PRMT7: variants seen among roughly 807,000 people sequenced by gnomAD.
PRMT7 encodes the protein protein arginine N-methyltransferase 7.
PRMT7 carries 75 observed loss-of-function variants against 85.4 expected under a neutral mutation model. The observed-to-expected ratio is 0.88, with a 90% CI of 0.73 to 1.06. PRMT7 has a LOEUF of 1.06. PRMT7 is among the 50% of genes least tolerant of loss of function. The pLI is 0.00. For synonymous variants in PRMT7, 397 were observed against 359.5 expected (o/e 1.10, Z -1.18); for missense variants, 868 against 915.2 (o/e 0.95, Z 0.67).
rs558371196 is a variant in PRMT7, at chr16:68,356,582, C to A, written c.1812-119C>A. The A allele has an allele frequency of 1.9e-4, 139 of 734,274 alleles. 1 individual carries two copies. The South Asian group carries it at 2.4e-3, about 13-fold the overall frequency. 45.5% of individuals were successfully genotyped at this position (734,274 alleles called of 1,614,324 possible). A position where few individuals can be genotyped will look rare whatever the true frequency, so the allele number is the denominator to read the frequency against. ...ATGTAACTGCAGCACTAGGAACTCC[C>A]GGCAGGGCAGGAAGGAAGTGGGGAA... On this transcript the variant is annotated intron_variant, in intron 17 of 18. Coordinates refer to ENST00000441236, the MANE Select transcript of PRMT7 (RefSeq NM_019023.5).
intron 6 of PRMT7, among the ~76,000 whole-genome samples, chr16:68,331,535 A>C (rs2083907242): frequency 6.8e-6 from 1 of 147,708 alleles, no homozygotes; most frequent in Non-Finnish European, 1.5e-5. Context: ...GGGTGTGAGC[A>C]TGGCTTATTG....
intron 4 of PRMT7, among the ~76,000 whole-genome samples, chr16:68,323,023 C>T (rs2082681301): frequency 6.6e-6 from 1 of 151,588 alleles, no homozygotes; most frequent in African/African-American, 2.4e-5. Flanking sequence ...GACAGGGAGA[C>T]TCCGTCTCAA....
At chr16:68,356,533 C>A (rs1056070698) in intron 17 of PRMT7, among the ~76,000 whole-genome samples, 168 bp from the exon 18 acceptor site, 1 of 152,222 alleles carries the variant, frequency 6.6e-6, no homozygotes, top group African/African-American at 2.4e-5. Context: ...GCTCTTCTGG[C>A]TGGGGTTTTT....
rs750839151 is a variant in PRMT7 at position 68,316,093 on chromosome 16, G to A, written c.95+19G>A. The A allele has an allele frequency of 1.0e-5, 16 of 1,605,606 alleles. No homozygotes were observed. The highest frequency in any genetic ancestry group is 1.3e-5 in the Non-Finnish European group (15 of 1,173,338). ...TTGCAAGGTACTGGGTTGGTTTACAGCAGGCTGCAGCTGGGTGGGGCACTT... is the reference window on the plus strand; with the variant it reads ...TTGCAAGGTACTGGGTTGGTTTACAACAGGCTGCAGCTGGGTGGGGCACTT... On this transcript the variant is annotated intron_variant, in intron 3 of 18. Transcript: ENST00000441236.
chr16:68,346,404 C>T, intron 11 of PRMT7, 124 bp downstream of exon 11: 4 of 1,365,030 alleles, frequency 2.9e-6, no homozygotes, highest in Non-Finnish European at 4.0e-6. Flanking sequence ...TGAGTGGCTT[C>T]AGCGAGCGCC....
chr16:68,324,407 A>G, intron 4 of PRMT7: 1 of 460,834 alleles, frequency 2.2e-6, no homozygotes, highest in Non-Finnish European at 3.9e-6. Flanking sequence ...GCTGTACCTA[A>G]CAGTTGGAAA....
intron 9 of PRMT7, among the ~76,000 whole-genome samples, chr16:68,344,125 G>A (rs2085957798): frequency 6.6e-6 from 1 of 152,154 alleles, no homozygotes; most frequent in Admixed American, 6.6e-5. Flanking sequence ...TTGCCACTAT[G>A]CATGGCTAAT....
At chr16:68,340,731 A>G (rs1032873013) in intron 9 of PRMT7, among the ~76,000 whole-genome samples, 1 of 152,254 alleles carries the variant, frequency 6.6e-6, no homozygotes, top group Non-Finnish European at 1.5e-5. Flanking sequence ...CGTTTCAGGT[A>G]GAAAGCAATG....
rs117146142 is a variant in PRMT7 at position 68,352,266 on chromosome 16, G to A, written c.1432G>A (p.Glu478Lys). The A allele has an allele frequency of 1.8e-5, 29 of 1,613,534 alleles. No individual in the cohort carries two copies. The highest frequency in any genetic ancestry group is 4.0e-5 in the African/African-American group (3 of 75,026). Reference sequence around the variant, plus strand: ...TCACCAGGTCTCTCTCCTCCTGGGCGAGCCGTTCTTCACTACCAGCCTGCT... The same window carrying A: ...TCACCAGGTCTCTCTCCTCCTGGGCAAGCCGTTCTTCACTACCAGCCTGCT... ...QGRKVSLLLG[E>K]PFFTTSLLPW... The change falls in exon 15 of 19, where the codon GAG becomes AAG. Residue 478 changes from glutamate (E) to lysine (K), a missense_variant. Transcript: ENST00000441236.
chr16:68,323,093 A>G (rs931209854), intron 4 of PRMT7, among the ~76,000 whole-genome samples: 1 of 152,222 alleles, frequency 6.6e-6, no homozygotes, highest in Non-Finnish European at 1.5e-5. Context: ...TATCTAAGAC[A>G]TAAATGCACT....
chr16:68,324,702 G>A lies in PRMT7; in HGVS notation c.152G>A (p.Gly51Asp). The A allele has an allele frequency of 1.2e-6, 2 of 1,614,240 alleles. No individual in the cohort carries two copies. The highest frequency in any genetic ancestry group is 1.3e-5 in the African/African-American group (1 of 75,068). ...CCTTAGAATGTAAAATACTACCAAG[G>A]TATCCGGGCTGCCGTGAGCAGGGTG... ...DKDRNVKYYQGIRAAVSRVKD... is the reference protein window; with the variant it reads ...DKDRNVKYYQDIRAAVSRVKD... Residue 51 changes from glycine (G) to aspartate (D), a missense_variant, in exon 5 of 19, where the codon GGT becomes GAT. Gly to Asp is a moderately conservative substitution (Grantham distance 94). Transcript: ENST00000441236.
At chr16:68,335,991 G>A (rs555045611) in intron 6 of PRMT7, among the ~76,000 whole-genome samples, 1 of 152,222 alleles carries the variant, frequency 6.6e-6, no homozygotes, top group East Asian at 1.9e-4. Context: ...TGGCCAGGTT[G>A]GTTTCAAACT....
At chr16:68,359,013 G>A (rs2089050034), downstream of PRMT7, 1 of 152,702 alleles carries the variant, frequency 6.5e-6, no homozygotes, top group African/African-American at 2.4e-5. Context: ...GCGACCTTGT[G>A]ATGACAGAAA....
intron 8 of PRMT7, 52 bp from the exon 9 acceptor site, chr16:68,339,736 A>C (rs1386244340): frequency 6.3e-7 from 1 of 1,591,192 alleles, no homozygotes; most frequent in Non-Finnish European, 8.6e-7. Context: ...AGCTTAAAAA[A>C]TGGAGTGTGT....
intron 8 of PRMT7, 65 bp downstream of exon 8, chr16:68,339,628 G>T: frequency 2.5e-6 from 4 of 1,603,354 alleles, no homozygotes; most frequent in Non-Finnish European, 3.4e-6. Flanking sequence ...GTATTAGGAG[G>T]TTCTTTTTGA....
intron 14 of PRMT7, chr16:68,351,398 C>T (rs532275179): frequency 6.6e-6 from 1 of 152,344 alleles, no homozygotes; most frequent in Non-Finnish European, 1.5e-5. Flanking sequence ...AGGTCGCCTC[C>T]GTCCCCAGCA....
intron 9 of PRMT7, among the ~76,000 whole-genome samples, chr16:68,344,968 A>ATTTTTTTTT (rs3068649): frequency 1.4e-5 from 2 of 140,618 alleles, no homozygotes; most frequent in Non-Finnish European, 3.0e-5. Context: ...GGGCATGCAC[A>ATTTTTTTTT]TTTTTTTTTT....
chr16:68,357,108 G>A lies in PRMT7; in HGVS notation c.1963G>A (p.Ala655Thr), dbSNP rs1452621113. 1.1e-5 allele frequency: 17 copies of A among 1,613,734 alleles called. No individual in the cohort carries two copies. The highest frequency in any genetic ancestry group is 1.4e-5 in the Non-Finnish European group (17 of 1,179,988). The change falls in exon 19 of 19, where the codon GCC (alanine) becomes ACC (threonine). Residue 655 changes from alanine (A) to threonine (T), a missense_variant. Physicochemically the swap from Ala to Thr is moderately conservative, Grantham distance 58 (BLOSUM62 0). Transcript: ENST00000441236. The part of the protein sequence containing the change: ...CKQAVYFFSP[A>T]PDPRALLGGP... ...GCAGGCCGTCTACTTCTTCAGCCCT[G>A]CCCCAGATCCCAGAGCACTGCTGGG...
intron 4 of PRMT7, 157 bp downstream of exon 4, chr16:68,321,619 T>C: frequency 1.6e-6 from 1 of 625,236 alleles, no homozygotes; most frequent in East Asian, 2.8e-5. Flanking sequence ...GTCCTACTTC[T>C]GGCTCTATTT....
Sources: allele counts gnomAD v4.1 joint callset (sites outside exome capture counted in the v4.1 genomes callset), GRCh38; gene constraint gnomAD v4.1.1; transcripts MANE v1.5; gene names NCBI Gene and HGNC (gene_info 2026-07-23, HGNC 2026-07-21).